The following HABP4 variants were observed in gnomAD, a reference collection of about 807,000 sequenced individuals.
HABP4 encodes the protein hyaluronan binding protein 4.
In HABP4, 32 loss-of-function variants were observed where a neutral mutation model predicts 44.1. That is an observed-to-expected ratio of 0.73 (90% CI 0.55 to 0.97). HABP4 has a LOEUF of 0.97. Among genes scored for constraint, HABP4 ranks in the 50% least tolerant of loss-of-function variants. The probability of loss-of-function intolerance (pLI) is 0.00; values close to 1 mark genes in which losing one functional copy is unlikely to be tolerated. For missense variants in HABP4, 503 were observed against 561.9 expected, an observed-to-expected ratio of 0.90 and a Z score of 1.06; for synonymous variants, 216 against 218.0, an observed-to-expected ratio of 0.99 and a Z score of 0.08.
rs12347119 is a variant in HABP4 at position 96,490,060 on chromosome 9, C to T, written c.*22C>T. On this transcript the variant is annotated 3_prime_UTR_variant, in exon 8 of 8. Coordinates refer to ENST00000375249, the MANE Select transcript of HABP4 (RefSeq NM_014282.4). ...TTGAAAGAGCCCTGTTTCCCAGCAC[C>T]GCGGAGCTGCACTGCACACCTGTGG... 2.3e-3 allele frequency: 3,429 copies of T among 1,498,718 alleles called. 53 individuals are homozygous for T. In the African/African-American group the frequency reaches 0.039, roughly 17 times the overall value. The allele number at this position is 1,498,718 out of a possible 1,614,324, so 92.8% of individuals were successfully genotyped here.
Position 96,488,334 on chromosome 9 carries a change from A to G in HABP4, c.1185+60A>G. 1 of 1,167,894 alleles carries G rather than the reference A, an allele frequency of 8.6e-7. No homozygotes were observed. The highest frequency in any genetic ancestry group is 1.2e-6 in the Non-Finnish European group (1 of 824,052). 72.3% of individuals were successfully genotyped at this position (1,167,894 alleles called of 1,614,324 possible). A position where few individuals can be genotyped will look rare whatever the true frequency, so the allele number is the denominator to read the frequency against. On this transcript the variant is annotated intron_variant, in intron 7 of 7. Coordinates refer to ENST00000375249, the MANE Select transcript of HABP4 (RefSeq NM_014282.4). This position sits in a 1 kb window ranked among gnomAD's most constrained non-coding sequence, Gnocchi z 4.6. The stretch of plus-strand genomic sequence containing the variant: ...TTAATAAGGACAGTGCCCTGGGCCC[A>G]GGATGGTCTAATTTCAGAGGGTCAT...
At position 96,488,246 on chromosome 9, in the gene HABP4, A is replaced by G; in HGVS notation, c.1157A>G (p.Glu386Gly). The G allele has an allele frequency of 6.2e-7, 1 of 1,613,604 alleles. No individual in the cohort carries two copies. Among genetic ancestry groups the G allele is most frequent in the East Asian group, 2.2e-5 (1 of 44,876 alleles). The change falls in exon 7 of 8, where the codon GAG (glutamate) becomes GGG (glycine). Residue 386 changes from glutamate to glycine, a missense_variant. This residue lies in a region of HABP4 where 82 missense variants were observed against 71.6 expected (regional missense o/e 1.15). Transcript: ENST00000375249. This position sits in a 1 kb window ranked among gnomAD's most constrained non-coding sequence, Gnocchi z 4.6. The part of the protein sequence containing the change: ...RGGRGRIRRA[E>G]NYGPRAEVVM... ...GGCCGGGGAAGGATCAGGAGGGCAG[A>G]GAACTATGGACCCAGAGCAGAAGTG...
At chr9:96,466,965 C>A (rs1205341110) in intron 4 of HABP4, among the ~76,000 whole-genome samples, 1 of 151,094 alleles carries the variant, frequency 6.6e-6, no homozygotes, top group East Asian at 1.9e-4. Flanking sequence ...CTCTGTCACC[C>A]AGGCTGGAGT....
rs1267640680 is a variant in HABP4 at position 96,456,771 on chromosome 9, AAAAAAAAAAATATATATATATATATAT to A, written c.350-1606_350-1580del. On this transcript the variant is annotated intron_variant, in intron 1 of 7. Transcript: ENST00000375249. Reference sequence around the variant, plus strand: ...CAAGACTCCATCTCAAAAAAAAAAAAAAAAAAAAAATATATATATATATATATATATATATATATATATATATATATC... The same window carrying A: ...CAAGACTCCATCTCAAAAAAAAAAAAATATATATATATATATATATATATC... Among the ~76,000 whole-genome samples, 14 of 70,740 alleles carry A rather than the reference AAAAAAAAAAATATATATATATATATAT, an allele frequency of 2.0e-4. 1 individual carries two copies. Among genetic ancestry groups the A allele is most frequent in the Admixed American group, 1.7e-3 (9 of 5,304 alleles). 46.4% of individuals were successfully genotyped at this position (70,740 alleles called of 152,430 possible). A position where few individuals can be genotyped will look rare whatever the true frequency, so the allele number is the denominator to read the frequency against.
chr9:96,485,344 C>G (rs1832955379), intron 6 of HABP4, among the ~76,000 whole-genome samples: 1 of 152,222 alleles, frequency 6.6e-6, no homozygotes, highest in African/African-American at 2.4e-5. Flanking sequence ...AGCCACTGCA[C>G]CTGGCCGAGT....
chr9:96,471,285 G>C (rs1467072196), intron 5 of HABP4, among the ~76,000 whole-genome samples, 191 bp downstream of exon 5: 3 of 152,066 alleles, frequency 2.0e-5, no homozygotes, highest in African/African-American at 7.2e-5. Flanking sequence ...TGGGACAATA[G>C]GCGTGCGCCA....
chr9:96,466,122 G>C (rs1832597409), intron 4 of HABP4, among the ~76,000 whole-genome samples: 1 of 152,166 alleles, frequency 6.6e-6, no homozygotes, highest in Non-Finnish European at 1.5e-5. Context: ...TGTAATCCCA[G>C]TACTTTGGAA....
chr9:96,465,565 G>A lies in HABP4; in HGVS notation c.674+67G>A. On this transcript the variant is annotated intron_variant, in intron 3 of 7. Transcript: ENST00000375249. The stretch of plus-strand genomic sequence containing the variant: ...TCAGCACGTGGTATGAATCTATTAT[G>A]TGTTAATATTTAGTTAACTTTATAG... 2.4e-6 allele frequency: 3 copies of A among 1,233,562 alleles called. No individual in the cohort carries two copies. In the South Asian group the frequency reaches 3.6e-5, roughly 15 times the overall value. The allele number at this position is 1,233,562 out of a possible 1,614,324, so 76.4% of individuals were successfully genotyped here. A position where few individuals can be genotyped will look rare whatever the true frequency, so the allele number is the denominator to read the frequency against.
intron 5 of HABP4, among the ~76,000 whole-genome samples, chr9:96,479,333 T>C (rs1339468376): frequency 6.7e-6 from 1 of 148,276 alleles, no homozygotes. Context: ...GTAATCAAAT[T>C]TGTATTTCAA....
chr9:96,465,220 G>T, intron 2 of HABP4, 117 bp from the exon 3 acceptor site: 1 of 702,704 alleles, frequency 1.4e-6, no homozygotes. Flanking sequence ...ATTAATTTGT[G>T]ATTCAAGCCA....
At chr9:96,470,155 A>G (rs933024117) in intron 4 of HABP4, among the ~76,000 whole-genome samples, 1 of 152,160 alleles carries the variant, frequency 6.6e-6, no homozygotes, top group African/African-American at 2.4e-5. Flanking sequence ...AAAAAATACA[A>G]AATATTAGCC....
intron 1 of HABP4, 121 bp from the exon 2 acceptor site, chr9:96,458,258 C>T (rs1832433683): frequency 9.7e-7 from 1 of 1,026,098 alleles, no homozygotes; most frequent in Non-Finnish European, 1.5e-6. Flanking sequence ...TTCTAAACTT[C>T]CTGAATTCTC....
At chr9:96,450,132 G>A (rs1395397400), upstream of HABP4, 1 of 793,492 alleles carries the variant, frequency 1.3e-6, no homozygotes, top group Non-Finnish European at 1.6e-6. The surrounding 1 kb of genome is among the most constrained non-coding windows in gnomAD (Gnocchi z 4.8). Flanking sequence ...CGGCGGCGGC[G>A]CCGCGGGGGC....
rs1336537220 is a variant in HABP4 at position 96,460,519 on chromosome 9, A to C, written c.512+1978A>C. ...ATTCTCTAAATTACGGAGTCTACAGACTTTACTCAGATTTCACCAATTGTC... is the reference window on the plus strand; with the variant it reads ...ATTCTCTAAATTACGGAGTCTACAGCCTTTACTCAGATTTCACCAATTGTC... On this transcript the variant is annotated intron_variant, in intron 2 of 7. Transcript: ENST00000375249. Among the ~76,000 whole-genome samples the C allele has an allele frequency of 2.0e-5, 3 of 152,248 alleles. No homozygotes were observed. The East Asian group carries it at 5.8e-4, about 29-fold the overall frequency.
intron 5 of HABP4, among the ~76,000 whole-genome samples, chr9:96,474,797 C>T (rs1219905844): frequency 6.6e-6 from 1 of 152,164 alleles, no homozygotes; most frequent in African/African-American, 2.4e-5. Context: ...TGATTTTGCA[C>T]TCTGGCTTCT....
At chr9:96,477,845 C>T (rs904321091) in intron 5 of HABP4, among the ~76,000 whole-genome samples, 5 of 152,172 alleles carry the variant, frequency 3.3e-5, no homozygotes, top group Admixed American at 6.5e-5. Context: ...CCTGGCGTTC[C>T]TTTGTAGGCC....
chr9:96,484,641 T>C lies in HABP4; in HGVS notation c.999+8T>C, dbSNP rs1564169568. 3.4e-6 allele frequency: 5 copies of C among 1,460,674 alleles called. No individual in the cohort carries two copies. Among genetic ancestry groups the C allele is most frequent in the Admixed American group, 3.4e-5 (2 of 58,516 alleles). 90.5% of individuals were successfully genotyped at this position (1,460,674 alleles called of 1,614,324 possible). A position where few individuals can be genotyped will look rare whatever the true frequency, so the allele number is the denominator to read the frequency against. On this transcript the variant is annotated splice_region_variant and intron_variant, in intron 6 of 7. Coordinates refer to ENST00000375249, the MANE Select transcript of HABP4 (RefSeq NM_014282.4). ...TCAAAATACAGAGATGATGTAAGCA[T>C]TGCATTTCGTATGTAGAGGTAATCT...
intron 5 of HABP4, among the ~76,000 whole-genome samples, chr9:96,475,945 A>C (rs1330013537): frequency 6.6e-6 from 1 of 152,016 alleles, no homozygotes; most frequent in East Asian, 1.9e-4. Flanking sequence ...CGATTAGTAA[A>C]GCTTTATTTC....
At chr9:96,481,889 C>A (rs1203418191) in intron 5 of HABP4, among the ~76,000 whole-genome samples, 3 of 151,528 alleles carry the variant, frequency 2.0e-5, no homozygotes, top group Non-Finnish European at 4.4e-5. Context: ...TTAATGGCAT[C>A]AGTAACATTC....
Sources: gnomAD v4.1 joint callset for allele counts (sites outside exome capture counted in the v4.1 genomes callset) on GRCh38, gnomAD v4.1.1 for gene constraint, gnomAD v4.1.1 regional missense constraint, Gnocchi (gnomAD v3.1) non-coding constraint, MANE v1.5 for transcripts, NCBI Gene and HGNC (gene_info 2026-07-23, HGNC 2026-07-21) for gene names.